Variants in TYW2 observed in about 807,000 individuals in gnomAD.
TYW2 encodes tRNA wybutosine-synthesizing protein 2, also known as tRNA wybutosine-synthesizing protein 2 homolog.
the TYW2 span, chr8:124,451,188 G>T: frequency 1.2e-6 from 2 of 1,614,156 alleles, no homozygotes; most frequent in Non-Finnish European, 1.7e-6. Context: ...GTATGCTCAC[G>T]CAGCTCCCGG....
chr8:124,452,247 A>G, the TYW2 span: 1 of 1,613,742 alleles, frequency 6.2e-7, no homozygotes, highest in Non-Finnish European at 8.5e-7. Flanking sequence ...TGGATCTGGA[A>G]TGCTGCCCCT....
chr8:124,450,975 G>A, the TYW2 span: 1 of 1,614,186 alleles, frequency 6.2e-7, no homozygotes, highest in Non-Finnish European at 8.5e-7. Context: ...AAAGTGGGAA[G>A]CCCGTGGCTG....
chr8:124,451,765 A>C, the TYW2 span: 2 of 1,614,122 alleles, frequency 1.2e-6, no homozygotes, highest in Admixed American at 1.7e-5. Flanking sequence ...TAACCTTGAG[A>C]TCAATGGAGT....
At chr8:124,451,959 G>GA in the TYW2 span, 1 of 1,614,206 alleles carries the variant, frequency 6.2e-7, no homozygotes, top group Non-Finnish European at 8.5e-7. Context: ...CTTTCCCAGG[G>GA]AAGAATCTTC....
chr8:124,452,032 A>G, the TYW2 span: 1 of 1,614,090 alleles, frequency 6.2e-7, no homozygotes, highest in African/African-American at 1.3e-5. Context: ...AATTACCACC[A>G]ACCAATGGAA....
the TYW2 span, chr8:124,451,459 C>G: frequency 1.2e-6 from 2 of 1,614,124 alleles, no homozygotes; most frequent in Non-Finnish European, 1.7e-6. Context: ...AAAACGAGGG[C>G]GGGTATCACC....
At chr8:124,451,861 C>T in the TYW2 span, 1 of 1,614,138 alleles carries the variant, frequency 6.2e-7, no homozygotes, top group Non-Finnish European at 8.5e-7. Context: ...GGGGCTGATT[C>T]CCAGCTCTGA....
chr8:124,450,942 G>T, the TYW2 span: 1 of 1,613,576 alleles, frequency 6.2e-7, no homozygotes, highest in Admixed American at 1.7e-5. Context: ...GAGAGAATGT[G>T]GTTGTTAGCA....
the TYW2 span, chr8:124,451,322 G>T: frequency 7.7e-5 from 125 of 1,614,076 alleles, no homozygotes; most frequent in Non-Finnish European, 1.0e-4. Context: ...GATTTGCCCC[G>T]ATCATGGCAA....
the TYW2 span, chr8:124,451,208 C>T: frequency 6.2e-6 from 10 of 1,614,120 alleles, no homozygotes; most frequent in Admixed American, 1.2e-4. Context: ...GATCCTGTTC[C>T]TTCGAAGAGG....
the TYW2 span, chr8:124,452,188 C>T: frequency 8.4e-5 from 135 of 1,614,102 alleles, no homozygotes; most frequent in Non-Finnish European, 1.1e-4. Flanking sequence ...ACAAATTCTG[C>T]ACATCCAACC....
chr8:124,452,236 C>G, the TYW2 span: 1 of 1,614,126 alleles, frequency 6.2e-7, no homozygotes, highest in Non-Finnish European at 8.5e-7. Context: ...TCACATAGTC[C>G]TGGATCTGGA....
chr8:124,451,925 T>G, the TYW2 span: 1 of 1,614,110 alleles, frequency 6.2e-7, no homozygotes, highest in Non-Finnish European at 8.5e-7. Context: ...GGAGGCATTT[T>G]GCATATCCAC....
chr8:124,452,089 A>T, the TYW2 span: 1 of 1,614,234 alleles, frequency 6.2e-7, no homozygotes, highest in Non-Finnish European at 8.5e-7. Context: ...GTCACCAGCC[A>T]CCAAGCCAGA....
the TYW2 span, chr8:124,450,909 A>G: frequency 1.2e-6 from 2 of 1,600,578 alleles, no homozygotes; most frequent in African/African-American, 1.3e-5. Flanking sequence ...CTCTGAGGAG[A>G]TGGAGTATCG....
chr8:124,451,570 T>C, the TYW2 span: 1 of 1,614,184 alleles, frequency 6.2e-7, no homozygotes, highest in Non-Finnish European at 8.5e-7. Flanking sequence ...CGTGACCCAG[T>C]GTATGTTCTC....
At chr8:124,451,505 TG>T in the TYW2 span, 1 of 1,614,162 alleles carries the variant, frequency 6.2e-7, no homozygotes, top group African/African-American at 1.3e-5. Flanking sequence ...ACACTGCTGC[TG>T]GGTGACCATG....
the TYW2 span, chr8:124,452,560 T>C: frequency 1.7e-5 from 7 of 401,798 alleles, no homozygotes; most frequent in Non-Finnish European, 2.8e-5. Context: ...GAAGTTTCAG[T>C]ATGTTTTGGC....
At chr8:124,452,993 G>A in the TYW2 span, 3 of 166,012 alleles carry the variant, frequency 1.8e-5, no homozygotes, top group African/African-American at 7.3e-5. Context: ...ATTGTGAGGG[G>A]TTGTCTTATA....
Sources: gnomAD v4.1 joint callset for allele counts on GRCh38, gnomAD v4.1.1 for gene constraint, MANE v1.5 for transcripts, NCBI Gene and HGNC (gene_info 2026-07-23, HGNC 2026-07-21) for gene names.